Variants in MBD5 observed in about 807,000 individuals in gnomAD.
The protein encoded by MBD5 is methyl-CpG binding domain protein 5.
A neutral mutation model predicts 117.3 loss-of-function variants in MBD5; 13 were observed. The observed-to-expected ratio is 0.11, with a 90% CI of 0.07 to 0.18. The LOEUF (loss-of-function observed/expected upper bound fraction) is 0.18. Among genes scored for constraint, MBD5 ranks in the 10% least tolerant of loss-of-function variants. The pLI is 1.00. For synonymous variants in MBD5, 727 were observed against 766.4 expected, an observed-to-expected ratio of 0.95 and a Z score of 0.85; for missense variants, 1,879 against 2,093.8, an observed-to-expected ratio of 0.90 and a Z score of 2.00.
rs1446993318 is a variant in MBD5 at position 148,192,902 on chromosome 2, TCAG to T, written c.-831+14112_-831+14114del. On this transcript the variant is annotated intron_variant, in intron 2 of 13. Transcript: ENST00000642680. ...AATCTCCTTAAGCTGATAAGCAACT[TCAG>T]CAAAGTCTCAGGATACAAAATCAAT... Among the ~76,000 whole-genome samples, 463 of 48,388 alleles carry T rather than the reference TCAG, an allele frequency of 9.6e-3. 13 individuals carry two copies. Among genetic ancestry groups the T allele is most frequent in the African/African-American group, 0.035 (446 of 12,860 alleles). 31.7% of individuals were successfully genotyped at this position (48,388 alleles called of 152,430 possible). A position where few individuals can be genotyped will look rare whatever the true frequency, so the allele number is the denominator to read the frequency against.
chr2:148,276,201 T>G (rs1427913676), intron 3 of MBD5, among the ~76,000 whole-genome samples: 4 of 152,082 alleles, frequency 2.6e-5, no homozygotes, highest in Non-Finnish European at 5.9e-5. Flanking sequence ...ATGCCCATAG[T>G]CCTAGCTACT....
intron 1 of MBD5, among the ~76,000 whole-genome samples, chr2:148,125,182 T>C (rs1696861624): frequency 6.6e-6 from 1 of 152,032 alleles, no homozygotes; most frequent in Non-Finnish European, 1.5e-5. Context: ...TTGTTATTCT[T>C]TCTCTTTGCT....
intron 1 of MBD5, among the ~76,000 whole-genome samples, chr2:148,038,521 A>C (rs1333775355): frequency 9.0e-6 from 1 of 111,214 alleles, no homozygotes; most frequent in Non-Finnish European, 1.8e-5. Context: ...GATTGCTGAC[A>C]AAAAAAAAAA....
intron 4 of MBD5, among the ~76,000 whole-genome samples, chr2:148,387,669 AT>A (rs1704418213): frequency 6.6e-6 from 1 of 152,098 alleles, no homozygotes; most frequent in South Asian, 2.1e-4. Flanking sequence ...ATTAGTAAAA[AT>A]AGGAGAATTT....
intron 1 of MBD5, among the ~76,000 whole-genome samples, chr2:148,150,958 G>A (rs1697642520): frequency 6.6e-6 from 1 of 151,360 alleles, no homozygotes. Flanking sequence ...GATTGCCCTG[G>A]CCAGAACTTC....
intron 1 of MBD5, among the ~76,000 whole-genome samples, chr2:148,105,596 T>C (rs1696350017): frequency 6.6e-6 from 1 of 152,158 alleles, no homozygotes; most frequent in Admixed American, 6.6e-5. Context: ...TTTTTGTAAA[T>C]CTCTCCAAAA....
At chr2:148,351,367 G>A (rs1703246334) in intron 4 of MBD5, among the ~76,000 whole-genome samples, 2 of 151,948 alleles carry the variant, frequency 1.3e-5, no homozygotes, top group Non-Finnish European at 2.9e-5. Flanking sequence ...AAAATATGTG[G>A]CCTTTTGTGA....
chr2:148,107,748 T>A, intron 1 of MBD5, among the ~76,000 whole-genome samples: 1 of 152,130 alleles, frequency 6.6e-6, no homozygotes, highest in African/African-American at 2.4e-5. Flanking sequence ...TAGTGTGTAG[T>A]AATTCTAATA....
chr2:148,295,470 A>G (rs200847958), intron 3 of MBD5, among the ~76,000 whole-genome samples: 3 of 151,916 alleles, frequency 2.0e-5, no homozygotes, highest in Admixed American at 6.6e-5. Context: ...CTGCATTTCT[A>G]TTTCTTGAAA....
At chr2:148,479,717 G>GTT (rs1208214943) in intron 8 of MBD5, among the ~76,000 whole-genome samples, 1 of 57,314 alleles carries the variant, frequency 1.7e-5, no homozygotes, top group Non-Finnish European at 5.5e-5. Context: ...TTATGTCTTT[G>GTT]TTGTTTTTTT....
At chr2:148,144,282 G>T (rs149101499) in intron 1 of MBD5, among the ~76,000 whole-genome samples, 61,419 of 149,528 alleles carry the variant, frequency 0.41, 12,535 homozygotes, top group Middle Eastern at 0.53. Context: ...TTGCCCACTT[G>T]TTGATGGGGT....
chr2:148,027,296 A>G (rs914159453), intron 1 of MBD5: 1 of 152,146 alleles, frequency 6.6e-6, no homozygotes, highest in Non-Finnish European at 1.5e-5. Context: ...TGGGTTCTCT[A>G]GGTGCCTAAA....
At chr2:148,230,147 C>T (rs1419870226) in intron 2 of MBD5, among the ~76,000 whole-genome samples, 1 of 152,148 alleles carries the variant, frequency 6.6e-6, no homozygotes, top group Non-Finnish European at 1.5e-5. Context: ...TGGCGGGTTC[C>T]CCAAGTCCCT....
rs552216930 is a variant in MBD5, at chr2:148,212,800, C to G, written c.-830-20445C>G. Among the ~76,000 whole-genome samples, 7 of 152,254 alleles carry G rather than the reference C, an allele frequency of 4.6e-5. No individual in the cohort carries two copies. In the South Asian group the frequency reaches 1.2e-3, roughly 27 times the overall value. On this transcript the variant is annotated intron_variant, in intron 2 of 13. Transcript: ENST00000642680. ...TATTCATTTTTTCTAGGTAAACATT[C>G]ACTAGACCCTTTCTTTCTTCTCTTT...
rs527676858 is a variant in MBD5, at chr2:148,073,304, C to A, written c.-925+51620C>A. Reference sequence around the variant, plus strand: ...GTAGCAGGTATAGGCAATCACACAGCCCAATAAACATTTTCTCCTGATGTA... The same window carrying A: ...GTAGCAGGTATAGGCAATCACACAGACCAATAAACATTTTCTCCTGATGTA... On this transcript the variant is annotated intron_variant, in intron 1 of 13. Coordinates refer to ENST00000642680, the MANE Select transcript of MBD5 (RefSeq NM_001378120.1). 2.0e-5 allele frequency among the ~76,000 whole-genome samples: 3 copies of A among 152,108 alleles called. No individual in the cohort carries two copies. In the East Asian group the frequency reaches 5.8e-4, roughly 29 times the overall value.
intron 1 of MBD5, chr2:148,071,941 T>C (rs939857468): frequency 1.9e-4 from 29 of 152,202 alleles, no homozygotes; most frequent in African/African-American, 6.8e-4. Flanking sequence ...ATCCTAAATT[T>C]GAAAGATCAT....
Position 148,489,492 on chromosome 2 carries a change from A to G in MBD5, c.3860A>G (p.Asp1287Gly). The G allele has an allele frequency of 1.2e-6, 2 of 1,614,202 alleles. No individual in the cohort carries two copies. Among genetic ancestry groups the G allele is most frequent in the Non-Finnish European group, 8.5e-7 (1 of 1,180,046 alleles). The change falls in exon 11 of 14, where the codon GAT becomes GGT. Residue 1287 changes from aspartate (D) to glycine (G), a missense_variant. Transcript: ENST00000642680. Reference sequence around the variant, plus strand: ...AACACTACACTTCCACCTTTTCAAGATACACCTTGTGAGTTGCAACCGAGG... The same window carrying G: ...AACACTACACTTCCACCTTTTCAAGGTACACCTTGTGAGTTGCAACCGAGG... ...NPNTTLPPFQDTPCELQPRID... is the reference protein window; with the variant it reads ...NPNTTLPPFQGTPCELQPRID...
At chr2:148,332,696 A>G (rs1314252395) in intron 3 of MBD5, among the ~76,000 whole-genome samples, 2 of 152,106 alleles carry the variant, frequency 1.3e-5, no homozygotes, top group African/African-American at 2.4e-5. Context: ...TTTCGTTTCT[A>G]GAAGCTATTA....
At chr2:148,412,333 A>C (rs1476525796) in intron 4 of MBD5, among the ~76,000 whole-genome samples, 1 of 151,412 alleles carries the variant, frequency 6.6e-6, no homozygotes, top group Non-Finnish European at 1.5e-5. Context: ...ATGTATATAT[A>C]TAGAGAGAGA....
Sources: gnomAD v4.1 joint callset for allele counts (sites outside exome capture counted in the v4.1 genomes callset) on GRCh38, gnomAD v4.1.1 for gene constraint, MANE v1.5 for transcripts, NCBI Gene and HGNC (gene_info 2026-07-23, HGNC 2026-07-21) for gene names.